Variants in BRINP1 observed in about 807,000 individuals in gnomAD.
BRINP1 encodes the protein BMP/retinoic acid-inducible neural-specific protein 1.
BRINP1 carries 17 observed loss-of-function variants against 72.9 expected under a neutral mutation model. That is an observed-to-expected ratio of 0.23 (90% CI 0.16 to 0.35). BRINP1 has a LOEUF of 0.35. Among genes scored for constraint, BRINP1 ranks in the 10% least tolerant of loss-of-function variants. The probability of loss-of-function intolerance (pLI) is 1.00; values close to 1 mark genes in which losing one functional copy is unlikely to be tolerated. For synonymous variants in BRINP1, 418 were observed against 378.5 expected (o/e 1.10, Z -1.21); for missense variants, 850 against 1,001.6 (o/e 0.85, Z 2.04).
At chr9:119,344,367 A>G (rs1295385418) in intron 1 of BRINP1, among the ~76,000 whole-genome samples, 1 of 152,206 alleles carries the variant, frequency 6.6e-6, no homozygotes, top group African/African-American at 2.4e-5. Flanking sequence ...CTCTCATGCT[A>G]TATTCAGTTT....
chr9:119,169,794 AGACTGCCTCCTCAAGTGGGTCCCT>A (rs1462448336), intron 7 of BRINP1, among the ~76,000 whole-genome samples: 1 of 152,234 alleles, frequency 6.6e-6, no homozygotes, highest in Non-Finnish European at 1.5e-5. Context: ...GAGAACGGGC[AGACTGCCTCCTCAAGTGGGTCCCT>A]GACCCCTGAC....
rs188831376 is a variant in BRINP1 at position 119,272,390 on chromosome 9, A to C, written c.219-23240T>G. ...GAGCCACTGCGCCCGGCAGGAAATT[A>C]TTTTTTAAAGATGATGAACTTCAAA... On this transcript the variant is annotated intron_variant, in intron 2 of 7. Coordinates refer to ENST00000265922, the MANE Select transcript of BRINP1 (RefSeq NM_014618.3). Among the ~76,000 whole-genome samples, 12 of 152,176 alleles carry C rather than the reference A, an allele frequency of 7.9e-5. No individual in the cohort carries two copies. In the East Asian group the frequency reaches 2.1e-3, roughly 27 times the overall value.
chr9:119,322,074 C>T (rs755256719), intron 1 of BRINP1, among the ~76,000 whole-genome samples: 15 of 152,146 alleles, frequency 9.9e-5, no homozygotes, highest in East Asian at 5.8e-4. Flanking sequence ...ATAAATACAC[C>T]GGAAATATAC....
intron 3 of BRINP1, among the ~76,000 whole-genome samples, chr9:119,246,626 A>C (rs1830320118): frequency 6.6e-6 from 1 of 152,198 alleles, no homozygotes; most frequent in Non-Finnish European, 1.5e-5. Context: ...ATACAGTAAC[A>C]CTAAGCTGGT....
intron 2 of BRINP1, among the ~76,000 whole-genome samples, chr9:119,293,612 T>A (rs1478689889): frequency 6.6e-6 from 1 of 152,212 alleles, no homozygotes; most frequent in Non-Finnish European, 1.5e-5. Context: ...ACTGGATAAA[T>A]AATTTATTCA....
At chr9:119,241,189 G>A (rs1410933808) in intron 4 of BRINP1, among the ~76,000 whole-genome samples, 2 of 152,126 alleles carry the variant, frequency 1.3e-5, no homozygotes, top group Non-Finnish European at 2.9e-5. Context: ...CTCCTTGGTA[G>A]CCATATTTTA....
chr9:119,235,310 C>T (rs1404267395), intron 5 of BRINP1, among the ~76,000 whole-genome samples: 1 of 152,212 alleles, frequency 6.6e-6, no homozygotes, highest in African/African-American at 2.4e-5. Context: ...GAAAGATTAT[C>T]TTGTCTTTCT....
At chr9:119,248,084 G>A (rs1830341760) in intron 3 of BRINP1, among the ~76,000 whole-genome samples, 1 of 152,140 alleles carries the variant, frequency 6.6e-6, no homozygotes, top group Admixed American at 6.5e-5. Context: ...ACTCCAGTTG[G>A]TAGTGCTCAA....
intron 2 of BRINP1, among the ~76,000 whole-genome samples, chr9:119,312,084 C>A (rs1831074433): frequency 6.6e-6 from 1 of 152,216 alleles, no homozygotes; most frequent in African/African-American, 2.4e-5. Context: ...GTTGAATATT[C>A]TGAATCTGTG....
chr9:119,309,016 C>G (rs1244848921), intron 2 of BRINP1, among the ~76,000 whole-genome samples: 1 of 150,312 alleles, frequency 6.7e-6, no homozygotes, highest in African/African-American at 2.5e-5. Context: ...GTATTGGAAA[C>G]ACAGGAAAAA....
chr9:119,245,921 C>T (rs1164751710), intron 3 of BRINP1, among the ~76,000 whole-genome samples: 4 of 152,088 alleles, frequency 2.6e-5, no homozygotes, highest in South Asian at 2.1e-4. Context: ...CTCAGTGTCT[C>T]CCACTCATCT....
intron 5 of BRINP1, among the ~76,000 whole-genome samples, chr9:119,214,811 A>G (rs566743318): frequency 6.6e-6 from 1 of 152,284 alleles, no homozygotes; most frequent in South Asian, 2.1e-4. Flanking sequence ...CAAGTAAGAG[A>G]ACACTAGGTT....
intron 7 of BRINP1, among the ~76,000 whole-genome samples, chr9:119,173,470 A>G (rs1829443187): frequency 6.6e-6 from 1 of 151,986 alleles, no homozygotes; most frequent in African/African-American, 2.4e-5. Flanking sequence ...CCACTGCTCA[A>G]TGAAATAAAA....
At chr9:119,301,241 C>T (rs2118983490) in intron 2 of BRINP1, among the ~76,000 whole-genome samples, 1 of 152,294 alleles carries the variant, frequency 6.6e-6, no homozygotes, top group Admixed American at 6.5e-5. Flanking sequence ...CATCACCCAC[C>T]CAGCTGACCA....
At chr9:119,195,289 T>C (rs1005026834) in intron 7 of BRINP1, among the ~76,000 whole-genome samples, 3 of 152,198 alleles carry the variant, frequency 2.0e-5, no homozygotes, top group Admixed American at 6.5e-5. Flanking sequence ...AATGAATGAA[T>C]GAATAAATGA....
chr9:119,364,623 T>A (rs956488470), intron 1 of BRINP1, among the ~76,000 whole-genome samples: 14 of 152,172 alleles, frequency 9.2e-5, no homozygotes, highest in Non-Finnish European at 1.8e-4. Context: ...AGAGCAGAGA[T>A]GACGTAAGAA....
At chr9:119,216,869 G>A (rs1829983512) in intron 5 of BRINP1, among the ~76,000 whole-genome samples, 1 of 152,136 alleles carries the variant, frequency 6.6e-6, no homozygotes, top group Non-Finnish European at 1.5e-5. Context: ...CCCATTTAAT[G>A]CAACTGAAAA....
intron 1 of BRINP1, among the ~76,000 whole-genome samples, chr9:119,348,777 G>C (rs867979766): frequency 5.9e-5 from 9 of 152,156 alleles, no homozygotes; most frequent in South Asian, 2.1e-4. Flanking sequence ...TTTGGACTTT[G>C]CCTTATTCAT....
At position 119,211,953 on chromosome 9, in the gene BRINP1, G is replaced by A. The variant is rs567162958; in HGVS notation, c.922+1966C>T. On this transcript the variant is annotated intron_variant, in intron 6 of 7. Transcript: ENST00000265922. ...TTGGGAATAAGGATTGTATGCTAAAGAGTCTTACTCCTTGTGCATATAGCC... is the reference window on the plus strand; with the variant it reads ...TTGGGAATAAGGATTGTATGCTAAAAAGTCTTACTCCTTGTGCATATAGCC... 1.0e-3 allele frequency among the ~76,000 whole-genome samples: 156 copies of A among 152,016 alleles called. 1 individual carries two copies. Among genetic ancestry groups the A allele is most frequent in the Non-Finnish European group, 7.2e-4 (49 of 68,000 alleles).
Sources: allele counts gnomAD v4.1 joint callset (sites outside exome capture counted in the v4.1 genomes callset), GRCh38; gene constraint gnomAD v4.1.1; transcripts MANE v1.5; gene names NCBI Gene and HGNC (gene_info 2026-07-23, HGNC 2026-07-21).